ROBO2: variants seen among roughly 807,000 people sequenced by gnomAD.
The protein encoded by ROBO2 is roundabout homolog 2.
In ROBO2, 53 loss-of-function variants were observed where a neutral mutation model predicts 160.8. The ratio of observed to expected loss-of-function variants is 0.33; its 90% CI spans 0.26 to 0.41. The LOEUF (loss-of-function observed/expected upper bound fraction) is 0.41. Among genes scored for constraint, ROBO2 ranks in the 10% least tolerant of loss-of-function variants. The pLI is 1.00. For synonymous variants in ROBO2, 664 were observed against 611.7 expected (o/e 1.09, Z -1.26); for missense variants, 1,577 against 1,722.4 (o/e 0.92, Z 1.49).
At chr3:76,994,813 T>A (rs1406265713) in intron 2 of ROBO2, among the ~76,000 whole-genome samples, 1 of 152,186 alleles carries the variant, frequency 6.6e-6, no homozygotes, top group Non-Finnish European at 1.5e-5. Flanking sequence ...ATCTTCTGCA[T>A]TTCACCAACA....
chr3:77,557,576 T>G (rs1162682480), intron 8 of ROBO2, among the ~76,000 whole-genome samples: 1 of 151,400 alleles, frequency 6.6e-6, no homozygotes, highest in African/African-American at 2.4e-5. Flanking sequence ...AAAATGAACA[T>G]TTCATAGGTG....
At chr3:77,569,909 C>T (rs954937155) in intron 13 of ROBO2, among the ~76,000 whole-genome samples, 3 of 151,522 alleles carry the variant, frequency 2.0e-5, no homozygotes, top group East Asian at 1.9e-4. Context: ...TTTCTTATTC[C>T]AGTTTTGACA....
chr3:76,641,937 C>T (rs1222142191), intron 2 of ROBO2, among the ~76,000 whole-genome samples: 1 of 151,948 alleles, frequency 6.6e-6, no homozygotes, highest in Non-Finnish European at 1.5e-5. Flanking sequence ...TAGAGATGGT[C>T]TCGAACTCTT....
Position 76,677,113 on chromosome 3 carries a change from C to A in ROBO2, c.110-420901C>A, listed in dbSNP as rs148930181. ...TTTTTTCTTTCTAGGGTTTATCTTTCCAATGCTTTTATAGGATATAACAAC... is the reference window on the plus strand; with the variant it reads ...TTTTTTCTTTCTAGGGTTTATCTTTACAATGCTTTTATAGGATATAACAAC... On this transcript the variant is annotated intron_variant, in intron 2 of 26. Transcript: ENST00000487694. Among the ~76,000 whole-genome samples, 1,294 of 151,930 alleles carry A rather than the reference C, an allele frequency of 8.5e-3. 19 individuals carry two copies. Among genetic ancestry groups the A allele is most frequent in the African/African-American group, 0.027 (1,130 of 41,400 alleles).
intron 2 of ROBO2, among the ~76,000 whole-genome samples, chr3:76,421,853 C>T (rs1394592294): frequency 6.6e-6 from 1 of 152,188 alleles, no homozygotes; most frequent in Non-Finnish European, 1.5e-5. Flanking sequence ...ACGAAAGTCA[C>T]ATTTAGTCCC....
At chr3:77,568,802 T>G (rs12107517) in intron 13 of ROBO2, among the ~76,000 whole-genome samples, 7,464 of 152,050 alleles carry the variant, frequency 0.049, 380 homozygotes, top group East Asian at 0.13. Flanking sequence ...CCTGTTAACA[T>G]TGATTCTCTC....
chr3:76,696,910 A>AT (rs2092939597), intron 2 of ROBO2, among the ~76,000 whole-genome samples: 1 of 151,980 alleles, frequency 6.6e-6, no homozygotes, highest in Non-Finnish European at 1.5e-5. Flanking sequence ...GTGTTAAATG[A>AT]TTTTTTCTGT....
intron 6 of ROBO2, among the ~76,000 whole-genome samples, chr3:77,534,867 A>C (rs2091987830): frequency 6.6e-6 from 1 of 152,170 alleles, no homozygotes; most frequent in African/African-American, 2.4e-5. Flanking sequence ...TAACACTTAC[A>C]TGTGGTGGGG....
intron 2 of ROBO2, among the ~76,000 whole-genome samples, chr3:76,521,815 A>G (rs1308575768): frequency 6.6e-6 from 1 of 152,154 alleles, no homozygotes; most frequent in Non-Finnish European, 1.5e-5. Context: ...TTATAGAGTT[A>G]TTATAAATAT....
chr3:75,940,801 G>A (rs149512099), intron 2 of ROBO2, among the ~76,000 whole-genome samples: 4 of 152,106 alleles, frequency 2.6e-5, no homozygotes, highest in Non-Finnish European at 5.9e-5. Flanking sequence ...ATAAGCATGG[G>A]TGTAATTAAT....
intron 2 of ROBO2, among the ~76,000 whole-genome samples, chr3:76,490,296 G>A (rs2079744749): frequency 2.0e-5 from 3 of 152,204 alleles, no homozygotes; most frequent in Non-Finnish European, 4.4e-5. Flanking sequence ...TTGTATGACA[G>A]TAATGATTCA....
At chr3:76,322,599 G>C (rs973586348) in intron 2 of ROBO2, among the ~76,000 whole-genome samples, 13 of 152,048 alleles carry the variant, frequency 8.5e-5, no homozygotes, top group African/African-American at 3.1e-4. Context: ...GAAAGTGATA[G>C]CATGTTTTTC....
At chr3:75,934,296 T>C (rs1947673656) in intron 1 of ROBO2, among the ~76,000 whole-genome samples, 1 of 152,212 alleles carries the variant, frequency 6.6e-6, no homozygotes, top group African/African-American at 2.4e-5. Flanking sequence ...TATTTTAATC[T>C]TTAAAGAGCA....
chr3:76,418,924 A>G (rs1011732986), intron 2 of ROBO2, among the ~76,000 whole-genome samples: 1 of 152,202 alleles, frequency 6.6e-6, no homozygotes, highest in Non-Finnish European at 1.5e-5. Context: ...GTGCAGTGTA[A>G]CTGTTCATGC....
At chr3:75,923,793 C>G (rs553378254) in intron 1 of ROBO2, among the ~76,000 whole-genome samples, 1 of 152,170 alleles carries the variant, frequency 6.6e-6, no homozygotes, top group African/African-American at 2.4e-5. Context: ...ACAAACCAGG[C>G]TTTCAGGAAG....
chr3:76,865,017 G>C (rs2148641553), intron 2 of ROBO2, among the ~76,000 whole-genome samples: 3 of 151,948 alleles, frequency 2.0e-5, no homozygotes, highest in Middle Eastern at 6.8e-3. Context: ...CAGAAAATCA[G>C]AATTTAAATT....
intron 2 of ROBO2, among the ~76,000 whole-genome samples, chr3:77,164,515 G>C (rs1312636308): frequency 4.4e-5 from 6 of 136,576 alleles, no homozygotes; most frequent in Non-Finnish European, 9.5e-5. Flanking sequence ...CCGGCCAGCC[G>C]TGCTGTCCGG....
intron 2 of ROBO2, among the ~76,000 whole-genome samples, chr3:77,390,427 A>G (rs947965393): frequency 2.0e-5 from 3 of 152,010 alleles, no homozygotes; most frequent in Admixed American, 2.0e-4. Flanking sequence ...AATCACGGGG[A>G]TGGGTCTTTC....
intron 23 of ROBO2, chr3:77,629,827 T>A (rs2153711750): frequency 6.6e-6 from 1 of 152,330 alleles, no homozygotes; most frequent in Non-Finnish European, 1.5e-5. Flanking sequence ...TGAATGCATT[T>A]AATTCCATAT....
Sources: gnomAD v4.1 joint callset for allele counts (sites outside exome capture counted in the v4.1 genomes callset) on GRCh38, gnomAD v4.1.1 for gene constraint, MANE v1.5 for transcripts, NCBI Gene and HGNC (gene_info 2026-07-23, HGNC 2026-07-21) for gene names.